PCDHGA7: variants seen among roughly 807,000 people sequenced by gnomAD.
PCDHGA7 encodes the protein protocadherin gamma subfamily A, 7, also known as protocadherin gamma-A7.
Under a neutral mutation model 58.3 loss-of-function variants are expected in PCDHGA7, and 44 were observed. The ratio of observed to expected loss-of-function variants is 0.75; its 90% confidence interval spans 0.59 to 0.97. The LOEUF (loss-of-function observed/expected upper bound fraction) is 0.97, where lower values mean the gene tolerates loss of function less well. PCDHGA7 is among the 50% of genes least tolerant of loss of function. The probability of loss-of-function intolerance (pLI) is 0.00; values close to 1 mark genes in which losing one functional copy is unlikely to be tolerated. For synonymous variants in PCDHGA7, 516 were observed against 504.2 expected, an observed-to-expected ratio of 1.02 and a Z score of -0.31; for missense variants, 1,266 against 1,188.7, an observed-to-expected ratio of 1.06 and a Z score of -0.96.
intron 1 of PCDHGA7, chr5:141,390,051 A>C: frequency 6.2e-7 from 1 of 1,613,978 alleles, no homozygotes; most frequent in Non-Finnish European, 8.5e-7. Context: ...CGCCTCCTGG[A>C]GCTGCTTCCA....
At chr5:141,394,552 G>C (rs368792885) in intron 1 of PCDHGA7, 1 of 1,614,070 alleles carries the variant, frequency 6.2e-7, no homozygotes, top group Non-Finnish European at 8.5e-7. Flanking sequence ...CTGGCGCCCC[G>C]CTCCGCAGAG....
intron 1 of PCDHGA7, chr5:141,409,139 GA>G: frequency 1.9e-6 from 3 of 1,614,012 alleles, no homozygotes; most frequent in Non-Finnish European, 2.5e-6. Context: ...TGAAGATGTA[GA>G]AAGGTACACC....
chr5:141,477,765 A>C lies in PCDHGA7; in HGVS notation c.2425-17042A>C, dbSNP rs752391870. The C allele has an allele frequency of 6.2e-7, 1 of 1,614,026 alleles. No individual in the cohort carries two copies. Among genetic ancestry groups the C allele is most frequent in the Non-Finnish European group, 8.5e-7 (1 of 1,180,036 alleles). Reference sequence around the variant, plus strand: ...GGGGGCACCCCGGTCCTAGCCACCAACATCAGCGTGAACATATTTGTCACT... The same window carrying C: ...GGGGGCACCCCGGTCCTAGCCACCACCATCAGCGTGAACATATTTGTCACT... On this transcript the variant is annotated intron_variant, in intron 1 of 3. Coordinates refer to ENST00000518325, the MANE Select transcript of PCDHGA7 (RefSeq NM_018920.4). The surrounding 1 kb of genome is among the most constrained non-coding windows in gnomAD (Gnocchi z 4.9).
In PCDHGA7 at chr5:141,477,681, T is replaced by G; in HGVS notation, c.2425-17126T>G. On this transcript the variant is annotated intron_variant, in intron 1 of 3. Transcript: ENST00000518325. This position sits in a 1 kb window ranked among gnomAD's most constrained non-coding sequence, Gnocchi z 4.9. ...CGTGACAATGGCATAGTGTCATCCT[T>G]AGTGCCCCTAGACTATGAGGATCGG... 1 of 1,614,180 alleles carries G rather than the reference T, an allele frequency of 6.2e-7. No individual in the cohort carries two copies. Among genetic ancestry groups the G allele is most frequent in the Non-Finnish European group, 8.5e-7 (1 of 1,180,046 alleles).
chr5:141,389,341 C>G, intron 1 of PCDHGA7: 1 of 1,614,016 alleles, frequency 6.2e-7, no homozygotes, highest in East Asian at 2.2e-5. Context: ...GGCCAAGTCT[C>G]TTACTGCATC....
chr5:141,500,901 G>T (rs984072329), intron 2 of PCDHGA7, among the ~76,000 whole-genome samples: 1 of 144,582 alleles, frequency 6.9e-6, no homozygotes, highest in Non-Finnish European at 1.5e-5. Context: ...AGACAGTCTC[G>T]CTCTGTCTCC....
At position 141,494,872 on chromosome 5, in the gene PCDHGA7, G is replaced by T. The variant is rs917132299; in HGVS notation, c.2483+7G>T. On this transcript the variant is annotated splice_region_variant and intron_variant, in intron 2 of 3. Transcript: ENST00000518325. The stretch of plus-strand genomic sequence containing the variant: ...AGAGACCCGGCACCAGCGGGTAGGT[G>T]ACTGATTCTCCAGCCCACCCTCTTC... 7 of 1,614,010 alleles carry T rather than the reference G, an allele frequency of 4.3e-6. No homozygotes were observed. The highest frequency in any genetic ancestry group is 1.3e-5 in the African/African-American group (1 of 74,910).
At chr5:141,420,341 G>A in intron 1 of PCDHGA7, 5 of 1,391,412 alleles carry the variant, frequency 3.6e-6, no homozygotes, top group Middle Eastern at 1.9e-4. Context: ...CAATATAGTG[G>A]TATTATTTTA....
At position 141,404,735 on chromosome 5, in the gene PCDHGA7, G is replaced by A. The variant is rs2094561317; in HGVS notation, c.2424+19412G>A. The stretch of plus-strand genomic sequence containing the variant: ...CCTGGTGACCAAGGTGGTGGCAGTG[G>A]ACAGAGACTCAGGCCAGAATGCTTG... On this transcript the variant is annotated intron_variant, in intron 1 of 3. Transcript: ENST00000518325. 6.2e-7 allele frequency: 1 copy of A among 1,614,014 alleles called. No homozygotes were observed. The highest frequency in any genetic ancestry group is 8.5e-7 in the Non-Finnish European group (1 of 1,180,032).
At position 141,477,386 on chromosome 5, in the gene PCDHGA7, A is replaced by C; in HGVS notation, c.2425-17421A>C. 1 of 1,614,116 alleles carries C rather than the reference A, an allele frequency of 6.2e-7. No homozygotes were observed. Among genetic ancestry groups the C allele is most frequent in the South Asian group, 1.1e-5 (1 of 91,080 alleles). On this transcript the variant is annotated intron_variant, in intron 1 of 3. Coordinates refer to ENST00000518325, the MANE Select transcript of PCDHGA7 (RefSeq NM_018920.4). The surrounding 1 kb of genome is among the most constrained non-coding windows in gnomAD (Gnocchi z 4.9). ...GGATCGGGAGACTGTGCCAGAATAC[A>C]ACCTCAGCATCACCGCCCGAGACGC...
chr5:141,423,603 C>G, intron 1 of PCDHGA7: 1 of 1,612,584 alleles, frequency 6.2e-7, no homozygotes. Flanking sequence ...GCGAGCCACT[C>G]TTGATAGCTG....
Position 141,383,517 on chromosome 5 carries a change from G to A in PCDHGA7, c.618G>A (p.Arg206=), listed in dbSNP as rs374823629. Residue 206 remains arginine, a synonymous_variant, in exon 1 of 4, where the codon CGG becomes CGA. Transcript: ENST00000518325. ...GGGTGCTGGACCGGGAGGAAGAGCG[G>A]GTTCACCACCTGGTCCTCACAGCCT... is the stretch of plus-strand genomic sequence containing the variant. ...LERVLDREEE[R]VHHLVLTASD... 1 of 1,612,492 alleles carries A rather than the reference G, an allele frequency of 6.2e-7. No individual in the cohort carries two copies. Among genetic ancestry groups the A allele is most frequent in the Non-Finnish European group, 8.5e-7 (1 of 1,179,312 alleles).
At chr5:141,459,632 A>G (rs1202000974) in intron 1 of PCDHGA7, among the ~76,000 whole-genome samples, 1 of 152,214 alleles carries the variant, frequency 6.6e-6, no homozygotes, top group East Asian at 1.9e-4. Flanking sequence ...AAGCTGCCAA[A>G]CTATTTTTCA....
intron 1 of PCDHGA7, chr5:141,399,413 C>T (rs1456440098): frequency 2.5e-5 from 41 of 1,613,930 alleles, no homozygotes; most frequent in Non-Finnish European, 3.2e-5. Context: ...CCGCCCCTCT[C>T]CTCCAGCATA....
intron 1 of PCDHGA7, among the ~76,000 whole-genome samples, chr5:141,474,417 C>CCATT (rs1206525105): frequency 6.6e-6 from 1 of 152,222 alleles, no homozygotes; most frequent in East Asian, 1.9e-4. Context: ...GATGCCTAGA[C>CCATT]CATTGGTCCT....
intron 1 of PCDHGA7, chr5:141,423,750 TGG>T (rs144521096): frequency 3.2e-4 from 92 of 287,850 alleles, no homozygotes; most frequent in South Asian, 5.2e-4. Context: ...GAAAACTGTT[TGG>T]GGGGGGGGTG....
At position 141,422,391 on chromosome 5, in the gene PCDHGA7, T is replaced by A. The variant is rs1036823508; in HGVS notation, c.2424+37068T>A. On this transcript the variant is annotated intron_variant, in intron 1 of 3. Transcript: ENST00000518325. ...ATGGTCAAGTCTCCTGTTTTATTCCTAACCACCTGCCTTTTAAATTAGAAA... is the reference window on the plus strand; with the variant it reads ...ATGGTCAAGTCTCCTGTTTTATTCCAAACCACCTGCCTTTTAAATTAGAAA... 2.5e-6 allele frequency: 4 copies of A among 1,591,932 alleles called. No individual in the cohort carries two copies. The African/African-American group carries it at 4.1e-5, about 16-fold the overall frequency.
At chr5:141,429,613 G>A (rs1374650357) in intron 1 of PCDHGA7, among the ~76,000 whole-genome samples, 2 of 152,084 alleles carry the variant, frequency 1.3e-5, no homozygotes, top group African/African-American at 2.4e-5. Flanking sequence ...TCAATTTTAT[G>A]TCTGATATTT....
chr5:141,400,020 G>A (rs1589396224), intron 1 of PCDHGA7: 1 of 1,612,942 alleles, frequency 6.2e-7, no homozygotes, highest in South Asian at 1.1e-5. Context: ...TGGGCGACAG[G>A]GACGCGGCCC....
Sources: allele counts gnomAD v4.1 joint callset (sites outside exome capture counted in the v4.1 genomes callset), GRCh38; gene constraint gnomAD v4.1.1; non-coding constraint Gnocchi (gnomAD v3.1); transcripts MANE v1.5; gene names NCBI Gene and HGNC (gene_info 2026-07-23, HGNC 2026-07-21).